The following PCM1 variants were observed in gnomAD, a reference collection of about 807,000 sequenced individuals.
PCM1 encodes the protein pericentriolar material 1 protein.
In PCM1, 157 loss-of-function variants were observed where a neutral mutation model predicts 241.9. The observed-to-expected ratio is 0.65, with a 90% confidence interval of 0.57 to 0.74. PCM1 has a LOEUF of 0.74. PCM1 is among the 30% of genes least tolerant of loss of function. The probability of loss-of-function intolerance (pLI) is 0.00; values close to 1 mark genes in which losing one functional copy is unlikely to be tolerated. For synonymous variants in PCM1, 1,085 were observed against 784.9 expected (o/e 1.38, Z -6.39); for missense variants, 3,478 against 2,360.1 (o/e 1.47, Z -9.81).
In PCM1 at chr8:17,955,756, T is replaced by A. The variant is rs138487977; in HGVS notation, c.1472+103T>A. 9.2e-4 allele frequency: 829 copies of A among 896,476 alleles called. 10 individuals are homozygous for A. Among genetic ancestry groups the A allele is most frequent in the Non-Finnish European group, 5.0e-5 (28 of 559,070 alleles). The allele number at this position is 896,476 out of a possible 1,614,324, so 55.5% of individuals were successfully genotyped here. ...TCTGCAAAACGAGATTTATTTAATA[T>A]TGTTGTAAACATTCTTAAGGGATAG... On this transcript the variant is annotated intron_variant, in intron 10 of 38. Coordinates refer to ENST00000325083, the MANE Select transcript of PCM1 (RefSeq NM_006197.4).
intron 11 of PCM1, 22 bp from the exon 12 acceptor site, chr8:17,957,242 C>G: frequency 6.4e-7 from 1 of 1,560,832 alleles, no homozygotes; most frequent in Non-Finnish European, 8.7e-7. Flanking sequence ...TAAATGACTT[C>G]AGGCTGTTTT....
At chr8:17,956,572 T>G (rs370074304) in intron 10 of PCM1, 32 bp from the exon 11 acceptor site, 4 of 1,402,368 alleles carry the variant, frequency 2.9e-6, no homozygotes, top group Non-Finnish European at 3.9e-6. Flanking sequence ...AAAATGGGTG[T>G]AAATCGTATA....
In PCM1 at chr8:17,966,380, C is replaced by T; in HGVS notation, c.3128C>T (p.Pro1043Leu). The change falls in exon 20 of 39, where the codon CCC becomes CTC. Residue 1043 changes from proline to leucine, a missense_variant. Physicochemically the swap from Pro to Leu is moderately conservative, Grantham distance 98 (BLOSUM62 -3). Transcript: ENST00000325083. ...CTCACGGGTCCTTACAGTGTTATGC[C>T]CAGCAATGTTGCATCTCCTCAAGTA... ...TLLTGPYSVM[P>L]SNVASPQVHF... 6.2e-7 allele frequency: 1 copy of T among 1,613,410 alleles called. No individual in the cohort carries two copies. Among genetic ancestry groups the T allele is most frequent in the Non-Finnish European group, 8.5e-7 (1 of 1,179,484 alleles).
chr8:17,971,907 C>G (rs939130945), intron 22 of PCM1, among the ~76,000 whole-genome samples: 6 of 152,034 alleles, frequency 3.9e-5, no homozygotes, highest in African/African-American at 1.4e-4. Flanking sequence ...CTGTGCCTGG[C>G]TCATTTTTAA....
intron 37 of PCM1, 30 bp from the exon 38 acceptor site, chr8:18,025,514 T>C (rs776827868): frequency 1.8e-5 from 27 of 1,536,558 alleles, no homozygotes; most frequent in Middle Eastern, 3.4e-4. Flanking sequence ...AAATGAAAAA[T>C]GATTTGTATT....
At position 17,957,391 on chromosome 8, in the gene PCM1, A is replaced by G. The variant is rs754655749; in HGVS notation, c.1774A>G (p.Ile592Val). 1.4e-5 allele frequency: 22 copies of G among 1,612,712 alleles called. No individual in the cohort carries two copies. In the South Asian group the frequency reaches 2.1e-4, roughly 15 times the overall value. ...CEINNRSAAN[I>V]RALNMPPSLD... is the part of the protein sequence containing the mutation. ...AATTAACAACAGATCTGCTGCCAAC[A>G]TAAGGGCTCTAAACATGCCTCCTTC... is the stretch of plus-strand genomic sequence containing the variant. Residue 592 changes from isoleucine to valine, a missense_variant, in exon 12 of 39, where the codon ATA (isoleucine) becomes GTA (valine). Transcript: ENST00000325083.
intron 36 of PCM1, among the ~76,000 whole-genome samples, chr8:18,015,353 A>G (rs1304223402): frequency 6.6e-6 from 1 of 152,220 alleles, no homozygotes; most frequent in Non-Finnish European, 1.5e-5. Flanking sequence ...GAGGAAAGCA[A>G]AAACCTTTAA....
At chr8:18,013,612 C>T (rs940471433) in intron 34 of PCM1, among the ~76,000 whole-genome samples, 1 of 152,148 alleles carries the variant, frequency 6.6e-6, no homozygotes, top group African/African-American at 2.4e-5. Flanking sequence ...TGTTTCCTCT[C>T]CCTGCTGAAG....
In PCM1 at chr8:17,960,005, C is replaced by G. The variant is rs770458226; in HGVS notation, c.2041-9C>G. 4.3e-6 allele frequency: 7 copies of G among 1,610,980 alleles called. No homozygotes were observed. Among genetic ancestry groups the G allele is most frequent in the East Asian group, 2.2e-5 (1 of 44,790 alleles). On this transcript the variant is annotated splice_polypyrimidine_tract_variant and intron_variant, in intron 13 of 38. Transcript: ENST00000325083. ...TCAAGATTGTTTTAATGTAATGATG[C>G]TCTTTCAGGATGATGATGCAGCTCA...
At position 17,962,035 on chromosome 8, in the gene PCM1, T is replaced by C; in HGVS notation, c.2324T>C (p.Leu775Pro). Residue 775 changes from leucine to proline, a missense_variant and splice_region_variant, in exon 16 of 39, where the codon CTG (leucine) becomes CCG (proline). Coordinates refer to ENST00000325083, the MANE Select transcript of PCM1 (RefSeq NM_006197.4). The part of the protein sequence containing the change: ...ALQTACPDLQ[L>P]SAASVGNCPT... Reference sequence around the variant, plus strand: ...CGTTTTTTGTGAATTCCTTTTTAGCTGTCAGCTGCTAGTGTGGGTAACTGT... The same window carrying C: ...CGTTTTTTGTGAATTCCTTTTTAGCCGTCAGCTGCTAGTGTGGGTAACTGT... The C allele has an allele frequency of 6.2e-7, 1 of 1,606,018 alleles. No homozygotes were observed. Among genetic ancestry groups the C allele is most frequent in the South Asian group, 1.1e-5 (1 of 89,204 alleles).
At position 18,011,270 on chromosome 8, in the gene PCM1, C is replaced by T. The variant is rs2092459905; in HGVS notation, c.5254C>T (p.Gln1752Ter). 1 of 1,606,100 alleles carries T rather than the reference C, an allele frequency of 6.2e-7. No individual in the cohort carries two copies. Among genetic ancestry groups the T allele is most frequent in the African/African-American group, 1.3e-5 (1 of 74,746 alleles). Residue 1752 changes from glutamine (Q) to a stop codon, truncating the protein, a stop_gained, in exon 33 of 39, where the codon CAA becomes TAA. Coordinates refer to ENST00000325083, the MANE Select transcript of PCM1 (RefSeq NM_006197.4). LOFTEE classifies it high-confidence loss of function. The part of the protein sequence containing the change: ...KDETETVKQT[Q>*]TSEVYDGPKN... ...TGAAACTGAAACAGTTAAGCAGACTCAAACATCTGAGGTGTATGATGGTCC... is the reference window on the plus strand; with the variant it reads ...TGAAACTGAAACAGTTAAGCAGACTTAAACATCTGAGGTGTATGATGGTCC...
intron 23 of PCM1, among the ~76,000 whole-genome samples, chr8:17,975,261 T>A (rs2078331401): frequency 6.6e-6 from 1 of 152,164 alleles, no homozygotes; most frequent in Non-Finnish European, 1.5e-5. Context: ...CCTCCCGGGT[T>A]CAAACAATTC....
chr8:17,979,892 T>C (rs895852086), intron 23 of PCM1, among the ~76,000 whole-genome samples: 7 of 152,190 alleles, frequency 4.6e-5, no homozygotes, highest in African/African-American at 1.7e-4. Flanking sequence ...TTGATCATCC[T>C]GTATAACTTG....
chr8:17,924,620 A>G (rs2056167322), intron 1 of PCM1, 93 bp from the exon 2 acceptor site: 1 of 152,354 alleles, frequency 6.6e-6, no homozygotes, highest in African/African-American at 2.4e-5. Flanking sequence ...ATCTTTCTAA[A>G]CATACTTTAG....
intron 35 of PCM1, among the ~76,000 whole-genome samples, chr8:18,014,378 C>G (rs1417089472): frequency 7.8e-6 from 1 of 128,186 alleles, no homozygotes; most frequent in Non-Finnish European, 1.9e-5. Context: ...AGGTGGATTT[C>G]AGGAATCTGA....
Position 17,990,065 on chromosome 8 carries a change from T to G in PCM1, c.4531+86T>G. 3.6e-6 allele frequency: 4 copies of G among 1,116,288 alleles called. No homozygotes were observed. In the South Asian group the frequency reaches 7.9e-5, roughly 22 times the overall value. 69.1% of individuals were successfully genotyped at this position (1,116,288 alleles called of 1,614,324 possible). ...ATTGGCGTTGATAAGGAAACAAGTC[T>G]AGAAAGGCGAAGTGTGTGTGGTTGA... is the stretch of plus-strand genomic sequence containing the variant. On this transcript the variant is annotated intron_variant, in intron 27 of 38. Coordinates refer to ENST00000325083, the MANE Select transcript of PCM1 (RefSeq NM_006197.4).
chr8:17,962,280 T>A, intron 16 of PCM1, 106 bp downstream of exon 16: 1 of 915,352 alleles, frequency 1.1e-6, no homozygotes, highest in Non-Finnish European at 1.6e-6. Flanking sequence ...CCTTGAAACA[T>A]GTTTGTAAAT....
intron 23 of PCM1, among the ~76,000 whole-genome samples, 158 bp downstream of exon 23, chr8:17,972,845 T>C (rs549588459): frequency 5.3e-5 from 8 of 152,322 alleles, no homozygotes. Context: ...TATATAATTT[T>C]TTTTTACAAA....
chr8:18,000,231 A>G (rs1351238469), intron 29 of PCM1, among the ~76,000 whole-genome samples: 1 of 152,142 alleles, frequency 6.6e-6, no homozygotes, highest in Non-Finnish European at 1.5e-5. Context: ...GAAAGTCTAT[A>G]TGGTTGGAGG....
Sources: gnomAD v4.1 joint callset for allele counts (sites outside exome capture counted in the v4.1 genomes callset) on GRCh38, gnomAD v4.1.1 for gene constraint, MANE v1.5 for transcripts, NCBI Gene and HGNC (gene_info 2026-07-23, HGNC 2026-07-21) for gene names.